TBC1D30: variants seen among roughly 807,000 people sequenced by gnomAD.
The protein encoded by TBC1D30 is TBC1 domain family, member 30.
Under a neutral mutation model 63.2 loss-of-function variants are expected in TBC1D30, and 31 were observed. The ratio of observed to expected loss-of-function variants is 0.49; its 90% confidence interval spans 0.37 to 0.66. TBC1D30 has a LOEUF of 0.66. TBC1D30 is among the 30% of genes least tolerant of loss of function. The probability of loss-of-function intolerance (pLI) is 0.00; values close to 1 mark genes in which losing one functional copy is unlikely to be tolerated. For missense variants in TBC1D30, 810 were observed against 953.6 expected (o/e 0.85, Z 1.98); for synonymous variants, 307 against 361.5 (o/e 0.85, Z 1.71).
At chr12:64,856,019 T>G (rs1877267628) in intron 8 of TBC1D30, among the ~76,000 whole-genome samples, 1 of 152,096 alleles carries the variant, frequency 6.6e-6, no homozygotes, top group African/African-American at 2.4e-5. Flanking sequence ...GAAAAGAAAT[T>G]TAATTGGTTC....
chr12:64,839,488 G>A (rs751168238), intron 7 of TBC1D30, among the ~76,000 whole-genome samples: 7 of 152,138 alleles, frequency 4.6e-5, no homozygotes, highest in Admixed American at 6.6e-5. Flanking sequence ...TTTGGGTAAC[G>A]GAAGAAGCAT....
chr12:64,780,749 CTG>C (rs1871224089), exon 1 of TBC1D30: 2 of 987,090 alleles, frequency 2.0e-6, no homozygotes, highest in East Asian at 2.3e-4. Flanking sequence ...CCTCCCGGAA[CTG>C]GCCGGCGCCG....
At chr12:64,772,970 A>C (rs921999122) in intron 1 of TBC1D30, among the ~76,000 whole-genome samples, 1 of 152,262 alleles carries the variant, frequency 6.6e-6, no homozygotes, top group African/African-American at 2.4e-5. Context: ...CTAGATACCC[A>C]CAATTCCTGT....
chr12:64,858,480 G>C (rs950198029), intron 8 of TBC1D30, among the ~76,000 whole-genome samples: 2 of 152,154 alleles, frequency 1.3e-5, no homozygotes, highest in African/African-American at 2.4e-5. Context: ...TAGTCAGCAG[G>C]TGATGAATCC....
chr12:64,858,740 A>G (rs1008675903), intron 8 of TBC1D30, among the ~76,000 whole-genome samples: 5 of 152,162 alleles, frequency 3.3e-5, no homozygotes, highest in African/African-American at 7.2e-5. Flanking sequence ...ACTTCTCCAA[A>G]TATTTATCGA....
At chr12:64,789,184 C>CTT (rs1282443160) in intron 2 of TBC1D30, among the ~76,000 whole-genome samples, 10 of 123,268 alleles carry the variant, frequency 8.1e-5, no homozygotes, top group African/African-American at 2.1e-4. Context: ...TCTTCTTCTT[C>CTT]TTTTTTTTTT....
chr12:64,824,983 G>T lies in TBC1D30; in HGVS notation c.104G>T (p.Arg35Leu). ...GTILSNVLKK[R>L]SCISRTAPRL... ...ATCCTGAGCAATGTGCTCAAGAAGC[G>T]CAGCTGCATTTCCCGGACCGCGCCC... The change falls in exon 1 of 12, where the codon CGC (arginine) becomes CTC (leucine). Residue 35 changes from arginine to leucine, a missense_variant. Around this residue, in one of 4 missense-constraint regions of TBC1D30, gnomAD observed 272 missense variants for 335.9 expected, o/e 0.81. Coordinates refer to ENST00000539867, the MANE Select transcript of TBC1D30 (RefSeq NM_015279.2). 1 of 1,534,594 alleles carries T rather than the reference G, an allele frequency of 6.5e-7. No individual in the cohort carries two copies. The highest frequency in any genetic ancestry group is 8.7e-7 in the Non-Finnish European group (1 of 1,146,508).
At position 64,876,078 on chromosome 12, in the gene TBC1D30, T is replaced by C. The variant is rs1434836239; in HGVS notation, c.*290T>C. ...ATTGTGAGCTGTTTAAAAAAGACTA[T>C]ATCTAGATTGTTAACTCTCGTCCAT... On this transcript the variant is annotated 3_prime_UTR_variant, in exon 12 of 12. Coordinates refer to ENST00000539867, the MANE Select transcript of TBC1D30 (RefSeq NM_015279.2). The C allele has an allele frequency of 6.1e-6, 2 of 326,142 alleles. No homozygotes were observed. Among genetic ancestry groups the C allele is most frequent in the East Asian group, 1.2e-4 (2 of 16,496 alleles). 20.2% of individuals were successfully genotyped at this position (326,142 alleles called of 1,614,324 possible).
At chr12:64,787,245 A>T in intron 2 of TBC1D30, 1 of 309,370 alleles carries the variant, frequency 3.2e-6, no homozygotes, top group Non-Finnish European at 4.7e-6. Context: ...GATACACATT[A>T]AATACTAGGT....
chr12:64,775,822 T>C (rs1871062408), upstream of TBC1D30, among the ~76,000 whole-genome samples: 1 of 152,004 alleles, frequency 6.6e-6, no homozygotes, highest in African/African-American at 2.4e-5. Context: ...AACAACAGAA[T>C]ATACATTCTT....
chr12:64,868,052 T>C (rs1333653586), intron 10 of TBC1D30: 1 of 156,980 alleles, frequency 6.4e-6, no homozygotes, highest in Non-Finnish European at 1.4e-5. Context: ...TTCCACCTTG[T>C]GGAGAGGATA....
Position 64,875,651 on chromosome 12 carries a change from C to A in TBC1D30, c.2149C>A (p.Pro717Thr). Residue 717 changes from proline (P) to threonine (T), a missense_variant, in exon 12 of 12, where the codon CCC (proline) becomes ACC (threonine). This residue lies in a region of TBC1D30 where 450 missense variants were observed against 473.0 expected (regional missense o/e 0.95). Transcript: ENST00000539867. ...PIFSPFPSVKPLRKSATARNL... is the reference protein window; with the variant it reads ...PIFSPFPSVKTLRKSATARNL... ...CTTTAGCCCTTTTCCCAGCGTCAAG[C>A]CCCTGCGGAAATCTGCTACTGCCAG... 6.5e-7 allele frequency: 1 copy of A among 1,536,292 alleles called. No individual in the cohort carries two copies. Among genetic ancestry groups the A allele is most frequent in the Non-Finnish European group, 8.7e-7 (1 of 1,146,956 alleles).
chr12:64,870,706 A>G lies in TBC1D30; in HGVS notation c.1396A>G (p.Met466Val). The change falls in exon 11 of 12, where the codon ATG becomes GTG. Residue 466 changes from methionine (M) to valine (V), a missense_variant. Met to Val is a conservative substitution (Grantham distance 21). This residue lies in a region of TBC1D30 where 450 missense variants were observed against 473.0 expected (regional missense o/e 0.95). Transcript: ENST00000539867. ...ATACCATGCAGCTTTTAACAGTATG[A>G]TGATGGAACGCATGACCACAGATAT... ...SEYHAAFNSM[M>V]MERMTTDINA... 6.5e-7 allele frequency: 1 copy of G among 1,536,140 alleles called. No homozygotes were observed. Among genetic ancestry groups the G allele is most frequent in the Non-Finnish European group, 8.7e-7 (1 of 1,146,902 alleles).
Position 64,857,465 on chromosome 12 carries a change from C to G in TBC1D30, c.1039-7203C>G, listed in dbSNP as rs558847773. Among the ~76,000 whole-genome samples, 4 of 152,296 alleles carry G rather than the reference C, an allele frequency of 2.6e-5. No homozygotes were observed. In the South Asian group the frequency reaches 8.3e-4, roughly 32 times the overall value. On this transcript the variant is annotated intron_variant, in intron 8 of 11. Coordinates refer to ENST00000539867, the MANE Select transcript of TBC1D30 (RefSeq NM_015279.2). ...TGTGGCTGAGCTGCTATCCAAGATG[C>G]AAGACAAAGTCCTCTTTACTCTTCA...
At chr12:64,837,678 A>G (rs1038262069) in intron 6 of TBC1D30, among the ~76,000 whole-genome samples, 7 of 152,182 alleles carry the variant, frequency 4.6e-5, no homozygotes, top group African/African-American at 1.7e-4. Context: ...ACGGACCCAG[A>G]GATACCTGAA....
At chr12:64,857,615 G>A (rs116180271) in intron 8 of TBC1D30, among the ~76,000 whole-genome samples, 2,882 of 152,232 alleles carry the variant, frequency 0.019, 85 homozygotes, top group African/African-American at 0.064. Context: ...CCTAGGTCAT[G>A]TGCCACCCTA....
chr12:64,830,416 G>A lies in TBC1D30; in HGVS notation c.322G>A (p.Ala108Thr). Residue 108 changes from alanine (A) to threonine (T), a missense_variant, in exon 4 of 12, where the codon GCC (alanine) becomes ACC (threonine). Transcript: ENST00000539867. Reference protein sequence around the residue: ...TLADHYLHSIAIDWDKTMRFT... With the variant: ...TLADHYLHSITIDWDKTMRFT... ...GGCAGATCATTATTTGCACAGTATAGCCATTGACTGGGACAAAACCATGCG... is the reference window on the plus strand; with the variant it reads ...GGCAGATCATTATTTGCACAGTATAACCATTGACTGGGACAAAACCATGCG... The A allele has an allele frequency of 1.3e-6, 2 of 1,535,390 alleles. No homozygotes were observed. The highest frequency in any genetic ancestry group is 2.4e-5 in the South Asian group (2 of 83,958).
chr12:64,845,474 C>T (rs560208537), intron 8 of TBC1D30, among the ~76,000 whole-genome samples: 7 of 152,038 alleles, frequency 4.6e-5, no homozygotes, highest in African/African-American at 1.7e-4. Context: ...TGCCTGTAAT[C>T]CCAGCGCTTT....
At chr12:64,857,570 G>A (rs933316706) in intron 8 of TBC1D30, among the ~76,000 whole-genome samples, 6 of 151,946 alleles carry the variant, frequency 3.9e-5, no homozygotes, top group African/African-American at 1.2e-4. Flanking sequence ...GAGGGATGGC[G>A]CAAGCCCTCC....
Sources: gnomAD v4.1 joint callset for allele counts (sites outside exome capture counted in the v4.1 genomes callset) on GRCh38, gnomAD v4.1.1 for gene constraint, gnomAD v4.1.1 regional missense constraint, MANE v1.5 for transcripts, NCBI Gene and HGNC (gene_info 2026-07-23, HGNC 2026-07-21) for gene names.